The following PTPN18 variants were observed in gnomAD, a reference collection of about 807,000 sequenced individuals.
PTPN18 encodes tyrosine-protein phosphatase non-receptor type 18.
PTPN18 carries 65 observed loss-of-function variants against 65.4 expected under a neutral mutation model. The observed-to-expected ratio is 0.99, with a 90% CI of 0.81 to 1.22. The LOEUF (loss-of-function observed/expected upper bound fraction) is 1.22, where lower values mean the gene tolerates loss of function less well. Among genes scored for constraint, PTPN18 ranks in the 50% most tolerant of loss-of-function variants. The pLI, the probability that PTPN18 is intolerant of heterozygous loss-of-function variation, is 0.00. For missense variants in PTPN18, 616 were observed against 646.5 expected (o/e 0.95, Z 0.51); for synonymous variants, 255 against 267.8 (o/e 0.95, Z 0.47).
At chr2:130,371,061 G>A in intron 11 of PTPN18, 97 bp downstream of exon 11, 1 of 1,414,750 alleles carries the variant, frequency 7.1e-7, no homozygotes, top group South Asian at 1.2e-5. Context: ...CTGGGAGCAG[G>A]CACTGACTAT....
At position 130,356,200 on chromosome 2, in the gene PTPN18, C is replaced by A; in HGVS notation, c.93C>A (p.Ser31Arg). ...REGAVLAGEF[S>R]DIQACSAAWK... Reference sequence around the variant, plus strand: ...GGGCAGTCCTCGCCGGCGAGTTCAGCGTGAGTGGCACACGGGGTCCGCGAG... The same window carrying A: ...GGGCAGTCCTCGCCGGCGAGTTCAGAGTGAGTGGCACACGGGGTCCGCGAG... The change falls in exon 1 of 15, where the codon AGC (serine) becomes AGA (arginine). Residue 31 changes from serine to arginine, a missense_variant and splice_region_variant. Transcript: ENST00000175756. 7.6e-7 allele frequency: 1 copy of A among 1,318,548 alleles called. No individual in the cohort carries two copies. The highest frequency in any genetic ancestry group is 9.6e-7 in the Non-Finnish European group (1 of 1,036,656). 81.7% of individuals were successfully genotyped at this position (1,318,548 alleles called of 1,614,324 possible).
Position 130,373,014 on chromosome 2 carries a change from G to A in PTPN18, c.1315+67G>A. On this transcript the variant is annotated intron_variant, in intron 14 of 14. Transcript: ENST00000175756. This position sits in a 1 kb window ranked among gnomAD's most constrained non-coding sequence, Gnocchi z 4.1. ...TGAGTGAACCCAGGAGTCTGGGGTT[G>A]ATGGGGCATGGAGCTTAGTCCTGTG... 8 of 1,595,476 alleles carry A rather than the reference G, an allele frequency of 5.0e-6. No individual in the cohort carries two copies. The highest frequency in any genetic ancestry group is 6.9e-6 in the Non-Finnish European group (8 of 1,163,758).
Position 130,371,219 on chromosome 2 carries a change from C to G in PTPN18, c.945C>G (p.Asp315Glu), listed in dbSNP as rs551564117. The change falls in exon 12 of 15, where the codon GAC becomes GAG. Residue 315 changes from aspartate (D) to glutamate (E), a missense_variant. Physicochemically the swap from Asp to Glu is conservative, Grantham distance 45. This residue lies in a region of PTPN18 where 368 missense variants were observed against 386.7 expected (regional missense o/e 0.95). Coordinates refer to ENST00000175756, the MANE Select transcript of PTPN18 (RefSeq NM_014369.4). Reference sequence around the variant, plus strand: ...TTCAGAATTGTGCCCCACTCTACGACGATGCCCTCTTCCTCCGGACTCCCC... The same window carrying G: ...TTCAGAATTGTGCCCCACTCTACGAGGATGCCCTCTTCCTCCGGACTCCCC... The part of the protein sequence containing the change: ...NIKENCAPLY[D>E]DALFLRTPQA... 1.9e-6 allele frequency: 3 copies of G among 1,610,520 alleles called. No individual in the cohort carries two copies. Among genetic ancestry groups the G allele is most frequent in the East Asian group, 2.2e-5 (1 of 44,854 alleles).
intron 11 of PTPN18, 47 bp downstream of exon 11, chr2:130,371,011 A>C: frequency 1.9e-6 from 3 of 1,582,200 alleles, no homozygotes; most frequent in Non-Finnish European, 2.6e-6. Flanking sequence ...CAGCACCCTC[A>C]GAGACCAGGA....
chr2:130,356,091 T>C lies in PTPN18; in HGVS notation c.-17T>C. ...CGCGCGCGGCGGCCGGGCTGGACCTTGCTGGCCCGCGGCGCCATGAGCCGC... is the reference window on the plus strand; with the variant it reads ...CGCGCGCGGCGGCCGGGCTGGACCTCGCTGGCCCGCGGCGCCATGAGCCGC... On this transcript the variant is annotated 5_prime_UTR_variant, in exon 1 of 15. Coordinates refer to ENST00000175756, the MANE Select transcript of PTPN18 (RefSeq NM_014369.4). The C allele has an allele frequency of 7.8e-7, 1 of 1,287,746 alleles. No homozygotes were observed. The highest frequency in any genetic ancestry group is 9.8e-7 in the Non-Finnish European group (1 of 1,020,114). 79.8% of individuals were successfully genotyped at this position (1,287,746 alleles called of 1,614,324 possible). A position where few individuals can be genotyped will look rare whatever the true frequency, so the allele number is the denominator to read the frequency against.
chr2:130,372,144 A>G, intron 12 of PTPN18, 113 bp from the exon 13 acceptor site: 1 of 1,041,806 alleles, frequency 9.6e-7, no homozygotes, highest in Non-Finnish European at 1.4e-6. Flanking sequence ...CCTCCCATCT[A>G]GCGCACCGCC....
Position 130,375,060 on chromosome 2 carries a change from C to T in PTPN18, c.*1836C>T, listed in dbSNP as rs565461110. ...CCCTACTCCCACTCTAGAGCTGCCC[C>T]GTTTCTCTGTTTTCGTGAAAGAGCT... On this transcript the variant is annotated 3_prime_UTR_variant, in exon 15 of 15. Coordinates refer to ENST00000175756, the MANE Select transcript of PTPN18 (RefSeq NM_014369.4). 138 of 197,750 alleles carry T rather than the reference C, an allele frequency of 7.0e-4. No individual in the cohort carries two copies. Among genetic ancestry groups the T allele is most frequent in the African/African-American group, 2.8e-3 (120 of 43,472 alleles). 12.2% of individuals were successfully genotyped at this position (197,750 alleles called of 1,614,324 possible).
intron 13 of PTPN18, 52 bp downstream of exon 13, chr2:130,372,535 G>A: frequency 2.1e-6 from 3 of 1,404,258 alleles, no homozygotes; most frequent in East Asian, 2.7e-5. Context: ...TGATCCGCAG[G>A]GCGGAACCAT....
intron 5 of PTPN18, among the ~76,000 whole-genome samples, chr2:130,364,088 G>T (rs544273293): frequency 6.6e-6 from 1 of 152,012 alleles, no homozygotes; most frequent in African/African-American, 2.4e-5. Context: ...AAATAATTTT[G>T]CCATTTAAAC....
chr2:130,371,026 G>T, intron 11 of PTPN18, 62 bp downstream of exon 11: 1 of 1,553,382 alleles, frequency 6.4e-7, no homozygotes, highest in South Asian at 1.1e-5. Flanking sequence ...CCAGGACCCC[G>T]AGCAGGGTCC....
chr2:130,364,004 C>T (rs1680309425), intron 5 of PTPN18, among the ~76,000 whole-genome samples: 1 of 148,934 alleles, frequency 6.7e-6, no homozygotes, highest in Non-Finnish European at 1.5e-5. Context: ...GCCATTGTGT[C>T]TTTCTTTAAA....
rs768226539 is a variant in PTPN18 at position 130,370,062 on chromosome 2, G to A, written c.561G>A (p.Val187=). 6.2e-6 allele frequency: 10 copies of A among 1,614,042 alleles called. No homozygotes were observed. Among genetic ancestry groups the A allele is most frequent in the Non-Finnish European group, 8.5e-6 (10 of 1,180,002 alleles). The part of the protein sequence containing the change: ...KVTFQKESRS[V]YQLQYMSWPD... ...CTGTGTTTCAGGAGTCCCGTTCTGTGTACCAGCTACAGTATATGTCCTGGC... is the reference window on the plus strand; with the variant it reads ...CTGTGTTTCAGGAGTCCCGTTCTGTATACCAGCTACAGTATATGTCCTGGC... Residue 187 remains valine, a synonymous_variant, in exon 8 of 15, where the codon GTG becomes GTA. Transcript: ENST00000175756.
At chr2:130,365,235 A>C (rs528995122) in intron 5 of PTPN18, among the ~76,000 whole-genome samples, 20 of 152,330 alleles carry the variant, frequency 1.3e-4, no homozygotes, top group African/African-American at 4.8e-4. Flanking sequence ...ATTATAATCT[A>C]TGGCACCACC....
At chr2:130,360,872 C>T (rs1680170782) in intron 5 of PTPN18, among the ~76,000 whole-genome samples, 1 of 150,494 alleles carries the variant, frequency 6.6e-6, no homozygotes, top group South Asian at 2.1e-4. Context: ...TGCTCTGTTG[C>T]CCAGACTGGA....
intron 1 of PTPN18, among the ~76,000 whole-genome samples, chr2:130,358,436 A>C (rs946780199): frequency 3.3e-5 from 5 of 152,212 alleles, no homozygotes; most frequent in Admixed American, 2.6e-4. Context: ...TACATAGCCC[A>C]TAATATATTT....
intron 5 of PTPN18, among the ~76,000 whole-genome samples, chr2:130,362,976 C>T (rs1041842309): frequency 1.3e-5 from 2 of 151,768 alleles, no homozygotes; most frequent in Admixed American, 6.6e-5. Context: ...CCTGCCACCA[C>T]GCCCGGCTAA....
At chr2:130,372,627 G>T in intron 13 of PTPN18, 144 bp downstream of exon 13, 2 of 1,148,376 alleles carry the variant, frequency 1.7e-6, no homozygotes, top group South Asian at 3.3e-5. Context: ...ATGTCCAGGC[G>T]TCCCTGGCCA....
intron 1 of PTPN18, among the ~76,000 whole-genome samples, chr2:130,358,496 G>A (rs1328741414): frequency 6.6e-6 from 1 of 152,122 alleles, no homozygotes; most frequent in East Asian, 1.9e-4. Flanking sequence ...GTGTGCAGGG[G>A]GTGGGTGCCG....
chr2:130,366,734 C>A (rs549579432), intron 5 of PTPN18, among the ~76,000 whole-genome samples: 5 of 152,232 alleles, frequency 3.3e-5, no homozygotes, highest in African/African-American at 4.8e-5. Context: ...AATGAAATAT[C>A]TTTTACATTT....
Sources: gnomAD v4.1 joint callset for allele counts (sites outside exome capture counted in the v4.1 genomes callset) on GRCh38, gnomAD v4.1.1 for gene constraint, gnomAD v4.1.1 regional missense constraint, Gnocchi (gnomAD v3.1) non-coding constraint, MANE v1.5 for transcripts, NCBI Gene and HGNC (gene_info 2026-07-23, HGNC 2026-07-21) for gene names.